The following UBR3 variants were observed in gnomAD, a reference collection of about 807,000 sequenced individuals.
The protein encoded by UBR3 is ubiquitin protein ligase E3 component n-recognin 3.
In UBR3, 85 loss-of-function variants were observed where a neutral mutation model predicts 243.2. That is an observed-to-expected ratio of 0.35 (90% confidence interval 0.29 to 0.42). UBR3 has a LOEUF of 0.42. Ranked by LOEUF, UBR3 falls within the 10% of genes least tolerant of loss-of-function variation. The pLI is 1.00. For synonymous variants in UBR3, 748 were observed against 799.8 expected (o/e 0.94, Z 1.09); for missense variants, 1,686 against 2,300.8 (o/e 0.73, Z 5.47).
intron 25 of UBR3, among the ~76,000 whole-genome samples, chr2:169,993,549 C>T (rs923178969): frequency 2.6e-5 from 4 of 152,062 alleles, no homozygotes; most frequent in African/African-American, 9.7e-5. Flanking sequence ...GTGATTATTT[C>T]CTTGTTACTA....
chr2:170,035,745 T>C (rs2090808495), intron 31 of UBR3, among the ~76,000 whole-genome samples: 1 of 152,032 alleles, frequency 6.6e-6, no homozygotes, highest in African/African-American at 2.4e-5. Context: ...CTAGGTCAAG[T>C]AGCAAAGAAC....
intron 32 of UBR3, among the ~76,000 whole-genome samples, chr2:170,049,036 A>C (rs1287119227): frequency 6.6e-6 from 1 of 152,196 alleles, no homozygotes; most frequent in African/African-American, 2.4e-5. Flanking sequence ...CTTGAACAAC[A>C]CAGAGGCTAA....
Position 169,858,820 on chromosome 2 carries a change from G to A in UBR3, c.546-13416G>A, listed in dbSNP as rs553101014. Among the ~76,000 whole-genome samples, 35 of 152,068 alleles carry A rather than the reference G, an allele frequency of 2.3e-4. No homozygotes were observed. In the East Asian group the frequency reaches 6.2e-3, roughly 27 times the overall value. ...TCACCATGTTGGCCAGGCTGGTCTT[G>A]AACTCCTGACCTCAAGTGATCCACT... On this transcript the variant is annotated intron_variant, in intron 1 of 38. Transcript: ENST00000272793.
At chr2:170,077,339 C>A in intron 36 of UBR3, 2 of 867,544 alleles carry the variant, frequency 2.3e-6, no homozygotes, top group Non-Finnish European at 4.0e-6. Flanking sequence ...CTCACATTCA[C>A]CTCAGTAACA....
rs766072891 is a variant in UBR3 at position 169,958,428 on chromosome 2, T to G, written c.3546-10T>G. 47 of 1,611,600 alleles carry G rather than the reference T, an allele frequency of 2.9e-5. No homozygotes were observed. The highest frequency in any genetic ancestry group is 3.3e-5 in the Non-Finnish European group (39 of 1,178,808). On this transcript the variant is annotated splice_polypyrimidine_tract_variant and intron_variant, in intron 23 of 38. Transcript: ENST00000272793. ...TCTGATACTTAAAACTTTATTTCTG[T>G]TTAATCTAGGCGACAGAAGGCTAGA...
In UBR3 at chr2:170,006,971, T is replaced by C. The variant is rs1267727146; in HGVS notation, c.4030-19T>C. 6.2e-7 allele frequency: 1 copy of C among 1,611,008 alleles called. No individual in the cohort carries two copies. Among genetic ancestry groups the C allele is most frequent in the Admixed American group, 1.7e-5 (1 of 59,562 alleles). ...TGAATGTGTATATCACGCATCTGTATGTTTATTTCGTCTTTTAGAATGACC... is the reference window on the plus strand; with the variant it reads ...TGAATGTGTATATCACGCATCTGTACGTTTATTTCGTCTTTTAGAATGACC... On this transcript the variant is annotated intron_variant, in intron 27 of 38. Transcript: ENST00000272793.
chr2:169,853,940 A>G (rs982609431), intron 1 of UBR3, among the ~76,000 whole-genome samples: 1 of 151,608 alleles, frequency 6.6e-6, no homozygotes, highest in East Asian at 1.9e-4. Context: ...CAAACACCAC[A>G]TGTTCTCACT....
chr2:169,847,792 A>G (rs12621448), intron 1 of UBR3, among the ~76,000 whole-genome samples: 64,342 of 152,008 alleles, frequency 0.42, 15,227 homozygotes, highest in Non-Finnish European at 0.54. Flanking sequence ...ACCATTCTCA[A>G]CCTTACATGT....
chr2:170,066,990 T>TAAA (rs2091585309), intron 35 of UBR3, among the ~76,000 whole-genome samples: 1 of 145,848 alleles, frequency 6.9e-6, no homozygotes, highest in African/African-American at 2.6e-5. Flanking sequence ...ATAATAATAA[T>TAAA]AATAAACTTC....
Position 169,923,469 on chromosome 2 carries a change from G to A in UBR3, c.1867-460G>A, listed in dbSNP as rs193124705. ...AGCATTCTTCTGAGGATTAAATGTG[G>A]TAATGTGAATAAAGTGCTTAGCATG... On this transcript the variant is annotated intron_variant, in intron 11 of 38. Coordinates refer to ENST00000272793, the MANE Select transcript of UBR3 (RefSeq NM_172070.4). Among the ~76,000 whole-genome samples the A allele has an allele frequency of 2.0e-3, 302 of 152,234 alleles. 3 individuals are homozygous for A. The highest frequency in any genetic ancestry group is 7.0e-3 in the African/African-American group (290 of 41,564).
intron 26 of UBR3, among the ~76,000 whole-genome samples, chr2:170,000,224 T>TG (rs2089649005): frequency 6.6e-6 from 1 of 152,228 alleles, no homozygotes; most frequent in South Asian, 2.1e-4. Context: ...TATTGTATAT[T>TG]ATATTAAGAC....
At chr2:169,842,170 C>T (rs1048090355) in intron 1 of UBR3, among the ~76,000 whole-genome samples, 1 of 152,190 alleles carries the variant, frequency 6.6e-6, no homozygotes, top group Non-Finnish European at 1.5e-5. Flanking sequence ...TTTGTAAATA[C>T]ACCAATCAGC....
chr2:169,960,804 A>G (rs1411378393), intron 24 of UBR3, among the ~76,000 whole-genome samples: 1 of 152,104 alleles, frequency 6.6e-6, no homozygotes, highest in Non-Finnish European at 1.5e-5. Flanking sequence ...CATTAAAACA[A>G]TGAAGAGTTT....
At chr2:169,858,758 C>A (rs752277065) in intron 1 of UBR3, among the ~76,000 whole-genome samples, 1 of 152,096 alleles carries the variant, frequency 6.6e-6, no homozygotes, top group Non-Finnish European at 1.5e-5. Context: ...CTCCACCACA[C>A]CCAGCTAATT....
chr2:169,916,729 C>A (rs1454846376), intron 11 of UBR3, among the ~76,000 whole-genome samples: 1 of 152,088 alleles, frequency 6.6e-6, no homozygotes, highest in Non-Finnish European at 1.5e-5. Context: ...GCTTTGATTC[C>A]CCATGCCAGG....
At chr2:170,005,970 G>C (rs1216920538) in intron 27 of UBR3, among the ~76,000 whole-genome samples, 1 of 152,166 alleles carries the variant, frequency 6.6e-6, no homozygotes, top group Non-Finnish European at 1.5e-5. Flanking sequence ...GCTGAGATGT[G>C]AGAGATGTAG....
At chr2:170,042,911 T>G (rs2091003131) in intron 32 of UBR3, among the ~76,000 whole-genome samples, 1 of 152,052 alleles carries the variant, frequency 6.6e-6, no homozygotes, top group South Asian at 2.1e-4. Flanking sequence ...AAAAACCTGT[T>G]AAGTAGTCTT....
At chr2:169,988,933 C>T (rs916911177) in intron 25 of UBR3, among the ~76,000 whole-genome samples, 2 of 152,094 alleles carry the variant, frequency 1.3e-5, no homozygotes, top group Non-Finnish European at 2.9e-5. Context: ...TACTTTCCCC[C>T]TTTTACCCCT....
intron 5 of UBR3, among the ~76,000 whole-genome samples, chr2:169,887,317 AT>A: frequency 6.6e-6 from 1 of 152,268 alleles, no homozygotes; most frequent in South Asian, 2.1e-4. Flanking sequence ...TTGAGATTGT[AT>A]TTGATTTATT....
Sources: allele counts gnomAD v4.1 joint callset (sites outside exome capture counted in the v4.1 genomes callset), GRCh38; gene constraint gnomAD v4.1.1; transcripts MANE v1.5; gene names NCBI Gene and HGNC (gene_info 2026-07-23, HGNC 2026-07-21).